Variants in NEDD4L observed in about 807,000 individuals in gnomAD.
NEDD4L encodes the protein NEDD4 like E3 ubiquitin protein ligase, also known as E3 ubiquitin-protein ligase NEDD4-like.
NEDD4L carries 54 observed loss-of-function variants against 148.9 expected under a neutral mutation model. That is an observed-to-expected ratio of 0.36 (90% CI 0.29 to 0.45). The LOEUF (loss-of-function observed/expected upper bound fraction) is 0.45. Among genes scored for constraint, NEDD4L ranks in the 20% least tolerant of loss-of-function variants. The pLI, the probability that NEDD4L is intolerant of heterozygous loss-of-function variation, is 1.00. For missense variants in NEDD4L, 856 were observed against 1,233.8 expected (o/e 0.69, Z 4.59); for synonymous variants, 433 against 440.7 (o/e 0.98, Z 0.22).
chr18:58,293,997 A>G (rs1365657856), intron 5 of NEDD4L, among the ~76,000 whole-genome samples: 1 of 152,216 alleles, frequency 6.6e-6, no homozygotes, highest in African/African-American at 2.4e-5. Context: ...TTCTGGGATT[A>G]CAGTCATGAA....
intron 2 of NEDD4L, among the ~76,000 whole-genome samples, chr18:58,206,133 A>T (rs779088083): frequency 1.3e-5 from 2 of 152,194 alleles, no homozygotes; most frequent in Non-Finnish European, 2.9e-5. Flanking sequence ...TCATCCCTGT[A>T]ATCCCAGCAC....
chr18:58,197,336 A>C (rs755241644), intron 2 of NEDD4L, among the ~76,000 whole-genome samples: 1 of 152,308 alleles, frequency 6.6e-6, no homozygotes, highest in Non-Finnish European at 1.5e-5. Flanking sequence ...ATAAGGGACA[A>C]GGAAGAACAG....
intron 13 of NEDD4L, among the ~76,000 whole-genome samples, chr18:58,336,903 G>A (rs912156600): frequency 1.3e-5 from 2 of 152,176 alleles, no homozygotes; most frequent in African/African-American, 4.8e-5. Context: ...GAGCTTTGAG[G>A]GGGACAAGAT....
At chr18:58,156,139 C>G (rs902714937) in intron 1 of NEDD4L, among the ~76,000 whole-genome samples, 5 of 152,206 alleles carry the variant, frequency 3.3e-5, no homozygotes, top group African/African-American at 1.2e-4. Flanking sequence ...TGTAGTTCTT[C>G]TCTTCCTGTT....
chr18:58,049,716 C>T (rs907416668), intron 1 of NEDD4L, among the ~76,000 whole-genome samples: 2 of 152,116 alleles, frequency 1.3e-5, no homozygotes, highest in South Asian at 2.1e-4. Flanking sequence ...AGTGATCACT[C>T]CTGTAATCCT....
Position 58,044,395 on chromosome 18 carries a change from C to T in NEDD4L, c.-266C>T. ...CCGCCGCCGCGCGCAGTGAGAGGCG[C>T]CGGGGCTGCCGCCCGGTGCTCGGCG... is the stretch of plus-strand genomic sequence containing the variant. On this transcript the variant is annotated 5_prime_UTR_variant, in exon 1 of 31. Coordinates refer to ENST00000400345, the MANE Select transcript of NEDD4L (RefSeq NM_001144967.3). 4.3e-6 allele frequency: 1 copy of T among 231,828 alleles called. No homozygotes were observed. Among genetic ancestry groups the T allele is most frequent in the Non-Finnish European group, 8.1e-6 (1 of 122,744 alleles). The allele number at this position is 231,828 out of a possible 1,614,324, so 14.4% of individuals were successfully genotyped here. A position where few individuals can be genotyped will look rare whatever the true frequency, so the allele number is the denominator to read the frequency against.
At chr18:58,349,947 T>C (rs1389016613) in intron 17 of NEDD4L, among the ~76,000 whole-genome samples, 4 of 152,234 alleles carry the variant, frequency 2.6e-5, no homozygotes, top group Non-Finnish European at 5.9e-5. Context: ...GTTTCAGTCA[T>C]ATTGCTGATT....
chr18:58,057,040 G>A (rs992432941), intron 1 of NEDD4L, among the ~76,000 whole-genome samples: 3 of 152,046 alleles, frequency 2.0e-5, no homozygotes, highest in Non-Finnish European at 2.9e-5. Context: ...CCGTGGCAAG[G>A]AGGAGATAGA....
chr18:58,315,165 T>C (rs1199441427), intron 5 of NEDD4L, among the ~76,000 whole-genome samples: 1 of 152,116 alleles, frequency 6.6e-6, no homozygotes. Flanking sequence ...GTCATTGTGT[T>C]CCAGTTTGCT....
Position 58,044,405 on chromosome 18 carries a change from C to G in NEDD4L, c.-256C>G, listed in dbSNP as rs2081479375. On this transcript the variant is annotated 5_prime_UTR_variant, in exon 1 of 31. Transcript: ENST00000400345. ...GCGCAGTGAGAGGCGCCGGGGCTGC[C>G]GCCCGGTGCTCGGCGCGCTCTCGGG... The G allele has an allele frequency of 3.8e-6, 1 of 262,796 alleles. No individual in the cohort carries two copies. Among genetic ancestry groups the G allele is most frequent in the Admixed American group, 5.6e-5 (1 of 17,884 alleles). The allele number at this position is 262,796 out of a possible 1,614,324, so 16.3% of individuals were successfully genotyped here.
intron 20 of NEDD4L, among the ~76,000 whole-genome samples, chr18:58,364,701 A>C (rs2045899248): frequency 6.6e-6 from 1 of 152,244 alleles, no homozygotes; most frequent in Non-Finnish European, 1.5e-5. Context: ...CCCGGTAAGA[A>C]AAATGTTCAA....
chr18:58,311,651 T>C (rs539628725), intron 5 of NEDD4L, among the ~76,000 whole-genome samples: 12 of 152,374 alleles, frequency 7.9e-5, no homozygotes, highest in African/African-American at 2.6e-4. Flanking sequence ...ATAGTAAGAT[T>C]CGAATCACAT....
At chr18:58,269,057 T>C (rs1178136060) in intron 5 of NEDD4L, among the ~76,000 whole-genome samples, 2 of 151,986 alleles carry the variant, frequency 1.3e-5, no homozygotes, top group Non-Finnish European at 2.9e-5. Flanking sequence ...TTTGAACAAG[T>C]TTCTTACTTT....
chr18:58,261,094 A>G (rs1241989383), intron 5 of NEDD4L, among the ~76,000 whole-genome samples: 1 of 152,224 alleles, frequency 6.6e-6, no homozygotes, highest in Non-Finnish European at 1.5e-5. Flanking sequence ...ATTTAACACA[A>G]GGACAACATG....
At chr18:58,044,788 T>C in intron 1 of NEDD4L, 80 bp downstream of exon 1, 1 of 1,525,944 alleles carries the variant, frequency 6.6e-7, no homozygotes, top group East Asian at 2.5e-5. Flanking sequence ...AAAGGGGCCG[T>C]CCCCGGGGTG....
intron 5 of NEDD4L, chr18:58,255,315 T>TA (rs10541382): frequency 9.9e-3 from 1,828 of 185,152 alleles, no homozygotes; most frequent in Middle Eastern, 0.014. Context: ...TCTTGCTGTT[T>TA]AAAAAAAAAA....
chr18:58,120,186 A>T (rs2086137417), intron 1 of NEDD4L, among the ~76,000 whole-genome samples: 1 of 152,180 alleles, frequency 6.6e-6, no homozygotes, highest in Admixed American at 6.5e-5. Flanking sequence ...GAAAGGCAGA[A>T]ATCCCTGTCG....
intron 1 of NEDD4L, chr18:58,091,023 TC>T (rs1462573650): frequency 6.7e-6 from 1 of 149,728 alleles, no homozygotes; most frequent in Non-Finnish European, 1.5e-5. Context: ...GCACCTTACT[TC>T]TACCCTTGGA....
At chr18:58,229,169 A>G (rs1488944917) in intron 2 of NEDD4L, among the ~76,000 whole-genome samples, 3 of 152,118 alleles carry the variant, frequency 2.0e-5, no homozygotes, top group Non-Finnish European at 2.9e-5. Flanking sequence ...AGAATTATGG[A>G]CTGCAGAATA....
Sources: gnomAD v4.1 joint callset for allele counts (sites outside exome capture counted in the v4.1 genomes callset) on GRCh38, gnomAD v4.1.1 for gene constraint, MANE v1.5 for transcripts, NCBI Gene and HGNC (gene_info 2026-07-23, HGNC 2026-07-21) for gene names.